Variants in SAMM50 observed in about 807,000 individuals in gnomAD.
SAMM50 encodes sorting and assembly machinery component 50 homolog.
Under a neutral mutation model 66.9 loss-of-function variants are expected in SAMM50, and 47 were observed. The ratio of observed to expected loss-of-function variants is 0.70; its 90% CI spans 0.56 to 0.90. The LOEUF (loss-of-function observed/expected upper bound fraction) is 0.90. Among genes scored for constraint, SAMM50 ranks in the 40% least tolerant of loss-of-function variants. The pLI is 0.00. For synonymous variants in SAMM50, 191 were observed against 214.1 expected, an observed-to-expected ratio of 0.89 and a Z score of 0.94; for missense variants, 535 against 595.3, an observed-to-expected ratio of 0.90 and a Z score of 1.05.
At chr22:43,962,489 C>T (rs573610538) in intron 1 of SAMM50, among the ~76,000 whole-genome samples, 1 of 152,208 alleles carries the variant, frequency 6.6e-6, no homozygotes, top group African/African-American at 2.4e-5. Context: ...TCAGAAGTTG[C>T]TTTAATATTT....
rs760437741 is a variant in SAMM50, at chr22:43,976,188, C to T, written c.777+5C>T. The T allele has an allele frequency of 1.7e-5, 27 of 1,600,690 alleles. No individual in the cohort carries two copies. Among genetic ancestry groups the T allele is most frequent in the Admixed American group, 1.2e-4 (7 of 59,566 alleles). ...TCACTGAAATCATCTCTTTCGGTAA[C>T]GGTTTCTCTTAGTTGGAGTAAATAA... is the stretch of plus-strand genomic sequence containing the variant. On this transcript the variant is annotated splice_donor_5th_base_variant and intron_variant, in intron 8 of 14. Transcript: ENST00000350028.
intron 14 of SAMM50, among the ~76,000 whole-genome samples, chr22:43,991,380 T>C (rs2050324156): frequency 6.7e-6 from 1 of 150,118 alleles, no homozygotes; most frequent in African/African-American, 2.5e-5. Flanking sequence ...TGGGCTCAAG[T>C]GATCCCCCTG....
intron 14 of SAMM50, among the ~76,000 whole-genome samples, chr22:43,994,258 G>A (rs1251840023): frequency 6.6e-6 from 1 of 152,218 alleles, no homozygotes; most frequent in Non-Finnish European, 1.5e-5. Context: ...GCGTCCTACA[G>A]GAACAGAAGG....
Position 43,976,061 on chromosome 22 carries a change from A to G in SAMM50, c.655A>G (p.Ile219Val), listed in dbSNP as rs193152135. The G allele has an allele frequency of 1.9e-5, 31 of 1,610,262 alleles. No homozygotes were observed. Among genetic ancestry groups the G allele is most frequent in the Non-Finnish European group, 2.6e-5 (31 of 1,176,672 alleles). Residue 219 changes from isoleucine to valine, a missense_variant, in exon 8 of 15, where the codon ATA (isoleucine) becomes GTA (valine). Coordinates refer to ENST00000350028, the MANE Select transcript of SAMM50 (RefSeq NM_015380.5). Reference protein sequence around the residue: ...RGMSAEYSFPIWKTSHTVKWE... With the variant: ...RGMSAEYSFPVWKTSHTVKWE... ...TCTGATCTCCATGTTGCAGTTTCCC[A>G]TATGGAAGACCAGCCACACTGTCAA... is the stretch of plus-strand genomic sequence containing the variant.
intron 1 of SAMM50, among the ~76,000 whole-genome samples, chr22:43,960,719 ACT>A (rs1443470312): frequency 1.3e-5 from 2 of 152,116 alleles, no homozygotes; most frequent in Non-Finnish European, 2.9e-5. Context: ...ACAGAGCAAG[ACT>A]CTGTCTCAAA....
chr22:43,969,921 A>G (rs1481768626), intron 4 of SAMM50, among the ~76,000 whole-genome samples: 1 of 152,228 alleles, frequency 6.6e-6, no homozygotes, highest in Non-Finnish European at 1.5e-5. Flanking sequence ...AGCAGACACC[A>G]TTGAAAAATA....
chr22:43,973,386 T>A (rs1441165350), intron 7 of SAMM50, 63 bp downstream of exon 7: 11 of 990,470 alleles, frequency 1.1e-5, no homozygotes, highest in Non-Finnish European at 1.6e-5. Flanking sequence ...TTTTCACTGA[T>A]TCCCAAAGGC....
intron 12 of SAMM50, chr22:43,987,684 A>G (rs1786308184): frequency 6.6e-6 from 1 of 152,214 alleles, no homozygotes; most frequent in African/African-American, 2.4e-5. Context: ...AGCTTAAAAA[A>G]ATACATGTTT....
intron 1 of SAMM50, among the ~76,000 whole-genome samples, chr22:43,957,991 G>A (rs1481171736): frequency 6.6e-6 from 1 of 152,112 alleles, no homozygotes; most frequent in Non-Finnish European, 1.5e-5. Context: ...CTGACCTTGT[G>A]ATCCGCCTGC....
At position 43,983,446 on chromosome 22, in the gene SAMM50, T is replaced by G. The variant is rs1183476402; in HGVS notation, c.1008-487T>G. Among the ~76,000 whole-genome samples the G allele has an allele frequency of 6.6e-6, 1 of 152,262 alleles. No homozygotes were observed. The highest frequency in any genetic ancestry group is 1.5e-5 in the Non-Finnish European group (1 of 68,042). ...CATTAGGGAACAAGAGGAGCTCATA[T>G]TTAAAAATTATAAACCTAACAAGAA... On this transcript the variant is annotated intron_variant, in intron 11 of 14. Transcript: ENST00000350028. The surrounding 1 kb of genome is among the most constrained non-coding windows in gnomAD (Gnocchi z 4.2).
In SAMM50 at chr22:43,973,238, T is replaced by C; in HGVS notation, c.563T>C (p.Phe188Ser). The C allele has an allele frequency of 2.5e-6, 4 of 1,585,636 alleles. No individual in the cohort carries two copies. Among genetic ancestry groups the C allele is most frequent in the Non-Finnish European group, 3.5e-6 (4 of 1,154,230 alleles). Residue 188 changes from phenylalanine to serine, a missense_variant and splice_region_variant, in exon 7 of 15, where the codon TTC (phenylalanine) becomes TCC (serine). Physicochemically the swap from Phe to Ser is radical, Grantham distance 155. Coordinates refer to ENST00000350028, the MANE Select transcript of SAMM50 (RefSeq NM_015380.5). ...AGCTCTATCCCATTGTCTCCTAGTTTCTCTGTAAACTTATATAAAGTTACT... is the reference window on the plus strand; with the variant it reads ...AGCTCTATCCCATTGTCTCCTAGTTCCTCTGTAAACTTATATAAAGTTACT... The part of the protein sequence containing the change: ...KPRPGNFERN[F>S]SVNLYKVTGQ...
chr22:43,956,513 C>A (rs1473613283), intron 1 of SAMM50, among the ~76,000 whole-genome samples: 3 of 152,190 alleles, frequency 2.0e-5, no homozygotes, highest in African/African-American at 7.2e-5. Context: ...CTTTGTGTAA[C>A]TGTAATAGGT....
chr22:43,992,733 C>T lies in SAMM50; in HGVS notation c.1364+2327C>T, dbSNP rs1383331760. ...ACTGCATGCAGAGCCCTTGGCGCAC[C>T]GCCTGGCCTGGGGTTGGGAAGTGGT... On this transcript the variant is annotated intron_variant, in intron 14 of 14. Transcript: ENST00000350028. Among the ~76,000 whole-genome samples, 4 of 152,196 alleles carry T rather than the reference C, an allele frequency of 2.6e-5. No homozygotes were observed. In the South Asian group the frequency reaches 6.2e-4, roughly 24 times the overall value.
At chr22:43,961,294 CT>C (rs201208438) in intron 1 of SAMM50, among the ~76,000 whole-genome samples, 2,688 of 152,260 alleles carry the variant, frequency 0.018, 85 homozygotes, top group African/African-American at 0.061. Flanking sequence ...CACACTAGAC[CT>C]TCTGTGTCCA....
At chr22:43,989,316 A>G (rs1204854783) in intron 13 of SAMM50, 59 bp downstream of exon 13, 9 of 1,547,698 alleles carry the variant, frequency 5.8e-6, no homozygotes, top group Non-Finnish European at 8.0e-6. Context: ...GTTTAAAAGC[A>G]CAGTACACAA....
chr22:43,984,673 G>T (rs2050282757), intron 12 of SAMM50, among the ~76,000 whole-genome samples: 1 of 150,216 alleles, frequency 6.7e-6, no homozygotes, highest in Non-Finnish European at 1.5e-5. Context: ...CTGTCGCCCA[G>T]GCTGGAGTGC....
Position 43,969,530 on chromosome 22 carries a change from T to A in SAMM50, c.322+712T>A, listed in dbSNP as rs921591207. Among the ~76,000 whole-genome samples the A allele has an allele frequency of 2.6e-5, 4 of 151,670 alleles. No individual in the cohort carries two copies. The East Asian group carries it at 7.8e-4, about 29-fold the overall frequency. Reference sequence around the variant, plus strand: ...GCTGGGTTGGGGGCAGACCAGTAAGTGATGGCAGCACAGTCGCTATGTTGT... The same window carrying A: ...GCTGGGTTGGGGGCAGACCAGTAAGAGATGGCAGCACAGTCGCTATGTTGT... On this transcript the variant is annotated intron_variant, in intron 4 of 14. Transcript: ENST00000350028.
At chr22:43,977,594 T>G (rs2050239379) in intron 9 of SAMM50, among the ~76,000 whole-genome samples, 1 of 152,228 alleles carries the variant, frequency 6.6e-6, no homozygotes. Context: ...CCAAGCCGTC[T>G]GTGCTGAGCT....
intron 10 of SAMM50, among the ~76,000 whole-genome samples, chr22:43,978,179 C>A (rs566100292): frequency 6.6e-6 from 1 of 152,180 alleles, no homozygotes; most frequent in Non-Finnish European, 1.5e-5. Flanking sequence ...CGCAGTGGTT[C>A]ACGCCTGTAA....
Sources: allele counts gnomAD v4.1 joint callset (sites outside exome capture counted in the v4.1 genomes callset), GRCh38; gene constraint gnomAD v4.1.1; non-coding constraint Gnocchi (gnomAD v3.1); transcripts MANE v1.5; gene names NCBI Gene and HGNC (gene_info 2026-07-23, HGNC 2026-07-21).